DNAH5: variants seen among roughly 807,000 people sequenced by gnomAD.
DNAH5 encodes axonemal beta dynein heavy chain 5.
In DNAH5, 372 loss-of-function variants were observed where a neutral mutation model predicts 518.2. The ratio of observed to expected loss-of-function variants is 0.72; its 90% CI spans 0.66 to 0.78. The LOEUF (loss-of-function observed/expected upper bound fraction) is 0.78. Among genes scored for constraint, DNAH5 ranks in the 30% least tolerant of loss-of-function variants. DNAH5 has a pLI of 0.00. For synonymous variants in DNAH5, 2,039 were observed against 2,025.9 expected (o/e 1.01, Z -0.17); for missense variants, 5,523 against 5,687.0 (o/e 0.97, Z 0.93).
rs1765758048 is a variant in DNAH5 at position 13,844,901 on chromosome 5, T to C, written c.5207A>G (p.His1736Arg). Residue 1736 changes from histidine (H) to arginine (R), a missense_variant, in exon 32 of 79, where the codon CAC becomes CGC. This residue lies in a region of DNAH5 where 5,121 missense variants were observed against 5,223.3 expected (regional missense o/e 0.98). Transcript: ENST00000265104. ...LEILGQASDS[H>R]TIQAHLLNVF... is the part of the protein sequence containing the mutation. The stretch of plus-strand genomic sequence containing the variant: ...ATTCAGCAAATGGGCCTGTATAGTG[T>C]GGGAGTCCGACGCCTGCCCCAGAAT... 6.2e-7 allele frequency: 1 copy of C among 1,614,058 alleles called. No individual in the cohort carries two copies. Among genetic ancestry groups the C allele is most frequent in the African/African-American group, 1.3e-5 (1 of 74,922 alleles).
intron 41 of DNAH5, among the ~76,000 whole-genome samples, chr5:13,819,569 C>A (rs1363575598): frequency 3.3e-5 from 5 of 152,054 alleles, no homozygotes; most frequent in Non-Finnish European, 5.9e-5. Context: ...GCTCCTAGAA[C>A]CTCAATGCAC....
intron 76 of DNAH5, among the ~76,000 whole-genome samples, chr5:13,702,099 T>C (rs1454070209): frequency 6.6e-6 from 1 of 152,246 alleles, no homozygotes; most frequent in African/African-American, 2.4e-5. Flanking sequence ...ACTTTCTCCC[T>C]GAATTCACCT....
chr5:13,985,455 A>ATATATATATATATATATATC (rs1782987908), intron 1 of DNAH5, among the ~76,000 whole-genome samples: 1 of 144,842 alleles, frequency 6.9e-6, no homozygotes, highest in South Asian at 2.1e-4. Context: ...ATATATATAT[A>ATATATATATATATATATATC]TATATATATA....
chr5:13,959,034 C>A (rs571857404), intron 1 of DNAH5, among the ~76,000 whole-genome samples: 8 of 152,300 alleles, frequency 5.3e-5, no homozygotes, highest in African/African-American at 1.9e-4. Context: ...TCTTGGCTCA[C>A]TGCAACCTCC....
intron 4 of DNAH5, among the ~76,000 whole-genome samples, chr5:13,922,868 T>C (rs1320814014): frequency 6.6e-6 from 1 of 151,804 alleles, no homozygotes; most frequent in African/African-American, 2.4e-5. Flanking sequence ...TCCAAGAAGA[T>C]AGTGCACCTG....
chr5:13,806,946 C>T (rs1580345509), intron 47 of DNAH5, among the ~76,000 whole-genome samples: 1 of 151,986 alleles, frequency 6.6e-6, no homozygotes, highest in Non-Finnish European at 1.5e-5. Flanking sequence ...AATGTTAAGT[C>T]GGGGAACAAG....
intron 75 of DNAH5, among the ~76,000 whole-genome samples, chr5:13,713,254 T>C (rs1743775470): frequency 6.8e-6 from 1 of 146,460 alleles, no homozygotes; most frequent in African/African-American, 2.5e-5. Flanking sequence ...CATATATATA[T>C]ACCGACATAT....
At chr5:13,705,136 T>C (rs1742611776) in intron 76 of DNAH5, among the ~76,000 whole-genome samples, 1 of 152,012 alleles carries the variant, frequency 6.6e-6, no homozygotes, top group South Asian at 2.1e-4. Flanking sequence ...GGACTACAGA[T>C]GCATGCTGCC....
At chr5:13,768,551 C>T (rs1752844966) in intron 58 of DNAH5, among the ~76,000 whole-genome samples, 1 of 152,180 alleles carries the variant, frequency 6.6e-6, no homozygotes, top group African/African-American at 2.4e-5. Flanking sequence ...AGACCAGCAG[C>T]TCTCTATTTG....
intron 65 of DNAH5, among the ~76,000 whole-genome samples, chr5:13,740,636 G>A (rs931401039): frequency 2.6e-5 from 4 of 151,750 alleles, no homozygotes; most frequent in Non-Finnish European, 4.4e-5. Flanking sequence ...GCTATTCCAG[G>A]AAACATGCTT....
intron 76 of DNAH5, 46 bp from the exon 77 acceptor site, chr5:13,701,482 T>C: frequency 6.6e-7 from 1 of 1,523,710 alleles, no homozygotes; most frequent in Non-Finnish European, 9.1e-7. Flanking sequence ...AGTTTAATAC[T>C]GCAGTGTAAA....
chr5:13,755,448 T>C (rs1238957909), intron 61 of DNAH5, among the ~76,000 whole-genome samples: 1 of 152,202 alleles, frequency 6.6e-6, no homozygotes, highest in Non-Finnish European at 1.5e-5. Flanking sequence ...TTATCAGTTA[T>C]GTTGAGTTCA....
At chr5:13,784,925 C>A (rs1348875077) in intron 52 of DNAH5, among the ~76,000 whole-genome samples, 1 of 151,960 alleles carries the variant, frequency 6.6e-6, no homozygotes, top group African/African-American at 2.4e-5. Flanking sequence ...ATCAGCAGTC[C>A]CTAACCTTTT....
At chr5:13,868,024 C>T (rs1206468220) in intron 24 of DNAH5, 32 bp from the exon 25 acceptor site, 3 of 1,513,974 alleles carry the variant, frequency 2.0e-6, no homozygotes, top group Middle Eastern at 1.9e-4. Context: ...TTAATTTTGG[C>T]CAGTCAGATG....
At chr5:13,697,811 G>A (rs1420117925) in intron 78 of DNAH5, among the ~76,000 whole-genome samples, 1 of 152,114 alleles carries the variant, frequency 6.6e-6, no homozygotes, top group African/African-American at 2.4e-5. Flanking sequence ...TCTGTTCCAG[G>A]ATATTAGCAT....
chr5:13,725,944 G>A (rs113499047), intron 70 of DNAH5, among the ~76,000 whole-genome samples: 5,835 of 152,238 alleles, frequency 0.038, 378 homozygotes, highest in African/African-American at 0.13. Context: ...GAGCCACCGC[G>A]CCTGACCTGT....
rs563095520 is a variant in DNAH5, at chr5:13,864,747, C to T, written c.4356-110G>A. 1.1e-5 allele frequency: 13 copies of T among 1,217,898 alleles called. 1 individual carries two copies. Among genetic ancestry groups the T allele is most frequent in the Non-Finnish European group, 1.6e-5 (13 of 826,210 alleles). 75.4% of individuals were successfully genotyped at this position (1,217,898 alleles called of 1,614,324 possible). On this transcript the variant is annotated intron_variant, in intron 27 of 78. Coordinates refer to ENST00000265104, the MANE Select transcript of DNAH5 (RefSeq NM_001369.3). ...AAAAACAGTCTCTTTGAATACTTAT[C>T]CTATTTTAAATCCCATGACTTGCAG... is the stretch of plus-strand genomic sequence containing the variant.
rs1364656989 is a variant in DNAH5 at position 13,870,929 on chromosome 5, T to G, written c.3672A>C (p.Lys1224Asn). The part of the protein sequence containing the change: ...MVVIGRHCNK[K>N]YRSEMENIFM... ...AAATGTTTTCCATCTCACTCCGGTA[T>G]TTTTTGTTACAGTGGCGTCCAATGA... Residue 1224 changes from lysine (K) to asparagine (N), a missense_variant, in exon 24 of 79, where the codon AAA (lysine) becomes AAC (asparagine). This residue lies in a region of DNAH5 where 5,121 missense variants were observed against 5,223.3 expected (regional missense o/e 0.98). Coordinates refer to ENST00000265104, the MANE Select transcript of DNAH5 (RefSeq NM_001369.3). 6.2e-7 allele frequency: 1 copy of G among 1,613,764 alleles called. No homozygotes were observed. The highest frequency in any genetic ancestry group is 1.3e-5 in the African/African-American group (1 of 74,912).
intron 1 of DNAH5, among the ~76,000 whole-genome samples, chr5:13,971,941 G>C (rs1010246915): frequency 1.3e-5 from 2 of 152,122 alleles, no homozygotes; most frequent in African/African-American, 4.8e-5. Flanking sequence ...ACCATCAGGT[G>C]GGGGGCAGTG....
Sources: allele counts gnomAD v4.1 joint callset (sites outside exome capture counted in the v4.1 genomes callset), GRCh38; gene constraint gnomAD v4.1.1; regional missense constraint gnomAD v4.1.1; transcripts MANE v1.5; gene names NCBI Gene and HGNC (gene_info 2026-07-23, HGNC 2026-07-21).